PPP1R37: variants seen among roughly 807,000 people sequenced by gnomAD.
PPP1R37 encodes leucine rich repeat containing 68.
A neutral mutation model predicts 61.0 loss-of-function variants in PPP1R37; 21 were observed. That is an observed-to-expected ratio of 0.34 (90% CI 0.24 to 0.50). PPP1R37 has a LOEUF of 0.50. PPP1R37 is among the 20% of genes least tolerant of loss of function. The pLI, the probability that PPP1R37 is intolerant of heterozygous loss-of-function variation, is 0.98. For synonymous variants in PPP1R37, 443 were observed against 433.5 expected (o/e 1.02, Z -0.27); for missense variants, 910 against 952.7 (o/e 0.96, Z 0.59).
chr19:45,104,671 C>T (rs1468445189), intron 1 of PPP1R37, among the ~76,000 whole-genome samples: 1 of 151,878 alleles, frequency 6.6e-6, no homozygotes, highest in Non-Finnish European at 1.5e-5. Context: ...TCACATCACA[C>T]TTGTGACCTC....
Position 45,133,141 on chromosome 19 carries a change from G to A in PPP1R37, c.203-5373G>A, listed in dbSNP as rs369284935. The stretch of plus-strand genomic sequence containing the variant: ...TGCCCAGGCTGGAGTGCAGTGGTGC[G>A]ATCTCAGCTCACCACAACCTCCACC... On this transcript the variant is annotated intron_variant, in intron 1 of 12. Coordinates refer to ENST00000221462, the MANE Select transcript of PPP1R37 (RefSeq NM_019121.2). Among the ~76,000 whole-genome samples, 14 of 152,174 alleles carry A rather than the reference G, an allele frequency of 9.2e-5. No individual in the cohort carries two copies. The South Asian group carries it at 1.2e-3, about 14-fold the overall frequency.
At chr19:45,113,841 A>G (rs1398762679) in intron 1 of PPP1R37, among the ~76,000 whole-genome samples, 7 of 152,160 alleles carry the variant, frequency 4.6e-5, no homozygotes, top group African/African-American at 7.2e-5. Flanking sequence ...CCCTGGGTAA[A>G]TATTTGTCTC....
intron 1 of PPP1R37, among the ~76,000 whole-genome samples, chr19:45,129,355 C>T (rs1259534655): frequency 3.3e-5 from 5 of 152,068 alleles, no homozygotes; most frequent in East Asian, 1.9e-4. Flanking sequence ...CTGGAGTGCA[C>T]GGGGCACCAT....
At chr19:45,127,490 A>T (rs1265420362) in intron 1 of PPP1R37, among the ~76,000 whole-genome samples, 1 of 152,064 alleles carries the variant, frequency 6.6e-6, no homozygotes, top group African/African-American at 2.4e-5. Flanking sequence ...AGTGTAACAC[A>T]GTGGTAGGTA....
At chr19:45,143,790 C>A in intron 8 of PPP1R37, 157 bp downstream of exon 8, 1 of 530,842 alleles carries the variant, frequency 1.9e-6, no homozygotes. Flanking sequence ...CCTCATTCAG[C>A]TTCTGTGCCT....
In PPP1R37 at chr19:45,130,536, G is replaced by A. The variant is rs1968463668; in HGVS notation, c.203-7978G>A. ...GGACTGCGCAGTGGGCCTCCTGAAT[G>A]AAGACCCAGACCTGAGCCCGGTGGG... On this transcript the variant is annotated intron_variant, in intron 1 of 12. Coordinates refer to ENST00000221462, the MANE Select transcript of PPP1R37 (RefSeq NM_019121.2). This position sits in a 1 kb window ranked among gnomAD's most constrained non-coding sequence, Gnocchi z 4.4. 6.6e-6 allele frequency among the ~76,000 whole-genome samples: 1 copy of A among 152,144 alleles called. No homozygotes were observed. Among genetic ancestry groups the A allele is most frequent in the Non-Finnish European group, 1.5e-5 (1 of 68,022 alleles).
Position 45,141,945 on chromosome 19 carries a change from A to G in PPP1R37, c.568-116A>G, listed in dbSNP as rs1661991157. On this transcript the variant is annotated intron_variant, in intron 5 of 12. Coordinates refer to ENST00000221462, the MANE Select transcript of PPP1R37 (RefSeq NM_019121.2). ...GACGACAGCTGTGGCTTCGTTGCTC[A>G]TTGAGACATGGGGGCACAGGTCCTG... The G allele has an allele frequency of 6.9e-6, 8 of 1,162,176 alleles. No individual in the cohort carries two copies. In the African/African-American group the frequency reaches 9.4e-5, roughly 14 times the overall value. 72.0% of individuals were successfully genotyped at this position (1,162,176 alleles called of 1,614,324 possible).
rs1448661476 is a variant in PPP1R37, at chr19:45,145,522, C to T, written c.1466C>T (p.Ala489Val). The stretch of plus-strand genomic sequence containing the variant: ...GAGCCCCAGCCCGACGACGAGCCCG[C>T]CGCTGGGGTGCAGAACGGGGCCCCC... Reference protein sequence around the residue: ...ATEPQPDDEPAAGVQNGAPSP... With the variant: ...ATEPQPDDEPVAGVQNGAPSP... Residue 489 changes from alanine to valine, a missense_variant, in exon 11 of 13, where the codon GCC becomes GTC. Coordinates refer to ENST00000221462, the MANE Select transcript of PPP1R37 (RefSeq NM_019121.2). 1 of 1,534,126 alleles carries T rather than the reference C, an allele frequency of 6.5e-7. No homozygotes were observed. The highest frequency in any genetic ancestry group is 2.4e-5 in the East Asian group (1 of 40,862).
chr19:45,125,735 G>T (rs944083552), intron 1 of PPP1R37, among the ~76,000 whole-genome samples: 5 of 152,198 alleles, frequency 3.3e-5, no homozygotes, highest in African/African-American at 9.7e-5. Context: ...CTTTGGGGAG[G>T]ACAGCGGGGA....
intron 1 of PPP1R37, among the ~76,000 whole-genome samples, chr19:45,103,606 G>A (rs1413959342): frequency 6.6e-6 from 1 of 151,266 alleles, no homozygotes; most frequent in African/African-American, 2.4e-5. Context: ...AGCTGAACTC[G>A]CTTGGTTCCC....
chr19:45,101,763 T>C (rs1243413102), intron 1 of PPP1R37, among the ~76,000 whole-genome samples: 1 of 152,088 alleles, frequency 6.6e-6, no homozygotes, highest in Non-Finnish European at 1.5e-5. Context: ...CAGAATCCTG[T>C]GTGGAGGTGA....
intron 1 of PPP1R37, among the ~76,000 whole-genome samples, chr19:45,131,462 T>G (rs1018512233): frequency 6.6e-6 from 1 of 152,188 alleles, no homozygotes; most frequent in African/African-American, 2.4e-5. Context: ...TGTGTTCCAG[T>G]CCTGCCACTT....
chr19:45,139,340 A>G lies in PPP1R37; in HGVS notation c.300+729A>G, dbSNP rs188045670. On this transcript the variant is annotated intron_variant, in intron 2 of 12. Transcript: ENST00000221462. Reference sequence around the variant, plus strand: ...TTGCCCCAAGGCCCCCTCCTCGGGAACCCCCGTTGTTGGCCACTCGGCATT... The same window carrying G: ...TTGCCCCAAGGCCCCCTCCTCGGGAGCCCCCGTTGTTGGCCACTCGGCATT... 1.5e-4 allele frequency among the ~76,000 whole-genome samples: 23 copies of G among 152,358 alleles called. 1 individual carries two copies. The East Asian group carries it at 3.7e-3, about 24-fold the overall frequency.
intron 4 of PPP1R37, 25 bp downstream of exon 4, chr19:45,140,631 T>C (rs1968598681): frequency 1.3e-6 from 2 of 1,512,654 alleles, no homozygotes; most frequent in Non-Finnish European, 8.9e-7. Context: ...CACCGCCCAC[T>C]TGGCTCCCTG....
chr19:45,135,774 A>G (rs1333013900), intron 1 of PPP1R37, among the ~76,000 whole-genome samples: 1 of 121,546 alleles, frequency 8.2e-6, no homozygotes, highest in African/African-American at 3.3e-5. Flanking sequence ...CCAATTTTGC[A>G]TTTCCTTTTT....
intron 1 of PPP1R37, among the ~76,000 whole-genome samples, chr19:45,108,021 G>T (rs545608155): frequency 6.6e-6 from 1 of 152,190 alleles, no homozygotes; most frequent in East Asian, 1.9e-4. Flanking sequence ...CACACGGGTA[G>T]CCTTCTTAGA....
intron 1 of PPP1R37, among the ~76,000 whole-genome samples, chr19:45,110,432 C>G (rs1483716317): frequency 6.6e-6 from 1 of 152,088 alleles, no homozygotes; most frequent in Admixed American, 6.6e-5. Context: ...CTTACTTTTA[C>G]TCATCTTTTA....
intron 1 of PPP1R37, chr19:45,099,917 C>G (rs188515556): frequency 2.5e-4 from 38 of 152,374 alleles, no homozygotes; most frequent in African/African-American, 8.9e-4. Flanking sequence ...GAAGAGCACG[C>G]GAAGCTGGCC....
Position 45,146,624 on chromosome 19 carries a change from G to A in PPP1R37, c.*62G>A. 1.6e-6 allele frequency: 1 copy of A among 629,448 alleles called. No homozygotes were observed. Among genetic ancestry groups the A allele is most frequent in the South Asian group, 1.9e-5 (1 of 51,466 alleles). 39.0% of individuals were successfully genotyped at this position (629,448 alleles called of 1,614,324 possible). On this transcript the variant is annotated 3_prime_UTR_variant, in exon 13 of 13. Coordinates refer to ENST00000221462, the MANE Select transcript of PPP1R37 (RefSeq NM_019121.2). ...GCTGAGGCCAGAGCCATGAGAATCT[G>A]CTCACCTTCCCCCCAGCCTTCCTGA...
Sources: allele counts gnomAD v4.1 joint callset (sites outside exome capture counted in the v4.1 genomes callset), GRCh38; gene constraint gnomAD v4.1.1; non-coding constraint Gnocchi (gnomAD v3.1); transcripts MANE v1.5; gene names NCBI Gene and HGNC (gene_info 2026-07-23, HGNC 2026-07-21).